Variants in DHX15 observed in about 807,000 individuals in gnomAD.
DHX15 encodes ATP-dependent RNA helicase DHX15.
DHX15 carries 11 observed loss-of-function variants against 94.4 expected under a neutral mutation model. That is an observed-to-expected ratio of 0.12 (90% confidence interval 0.07 to 0.19). The LOEUF (loss-of-function observed/expected upper bound fraction) is 0.19. Ranked by LOEUF, DHX15 falls within the 10% of genes least tolerant of loss-of-function variation. The probability of loss-of-function intolerance (pLI) is 1.00; values close to 1 mark genes in which losing one functional copy is unlikely to be tolerated. For missense variants in DHX15, 304 were observed against 988.5 expected (o/e 0.31, Z 9.29); for synonymous variants, 338 against 329.9 (o/e 1.02, Z -0.27).
In DHX15 at chr4:24,574,205, C is replaced by CAAAAAAAAAAAAAAAAAAAAAAAAA. The variant is rs61031930; in HGVS notation, c.507+2037_507+2038insTTTTTTTTTTTTTTTTTTTTTTTTT. Among the ~76,000 whole-genome samples the CAAAAAAAAAAAAAAAAAAAAAAAAA allele has an allele frequency of 1.6e-4, 11 of 68,868 alleles. 1 individual carries two copies. The highest frequency in any genetic ancestry group is 3.6e-4 in the East Asian group (1 of 2,742). The allele number at this position is 68,868 out of a possible 152,430, so 45.2% of individuals were successfully genotyped here. ...TGGGTGACAGAGCGAGACTTTGTCT[C>CAAAAAAAAAAAAAAAAAAAAAAAAA]AAAAAAAAAAAAAAAAAAAAAAAGT... On this transcript the variant is annotated intron_variant, in intron 2 of 13. Transcript: ENST00000336812.
chr4:24,555,814 G>A (rs13111756), intron 4 of DHX15, among the ~76,000 whole-genome samples: 34,808 of 152,132 alleles, frequency 0.23, 5,117 homozygotes, highest in Non-Finnish European at 0.33. Flanking sequence ...GAGGGTAAGT[G>A]ACTACATTTC....
chr4:24,534,108 A>G (rs1721145543), intron 11 of DHX15: 1 of 152,236 alleles, frequency 6.6e-6, no homozygotes, highest in African/African-American at 2.4e-5. Flanking sequence ...TGAATTAAAG[A>G]ATACAATAAC....
intron 4 of DHX15, among the ~76,000 whole-genome samples, chr4:24,555,981 G>T (rs995640117): frequency 1.3e-5 from 2 of 152,090 alleles, no homozygotes; most frequent in African/African-American, 4.8e-5. Flanking sequence ...ACAGTGAGTA[G>T]CACAGTTACA....
At position 24,537,771 on chromosome 4, in the gene DHX15, G is replaced by A. The variant is rs1577333746; in HGVS notation, c.1787-598C>T. On this transcript the variant is annotated intron_variant, in intron 10 of 13. Transcript: ENST00000336812. This position sits in a 1 kb window ranked among gnomAD's most constrained non-coding sequence, Gnocchi z 4.7. ...ATATCAAGAATTCTTGGGTTTGGAT[G>A]ATAGCAGTAGTGGTGGAAGGTTAAA... 1 of 152,260 alleles carries A rather than the reference G, an allele frequency of 6.6e-6. No homozygotes were observed. Among genetic ancestry groups the A allele is most frequent in the East Asian group, 1.9e-4 (1 of 5,178 alleles). The allele number at this position is 152,260 out of a possible 1,614,324, so 9.4% of individuals were successfully genotyped here.
intron 5 of DHX15, among the ~76,000 whole-genome samples, chr4:24,551,062 T>C (rs182183326): frequency 1.2e-4 from 18 of 152,220 alleles, no homozygotes; most frequent in South Asian, 4.2e-4. Flanking sequence ...TTCTAACACA[T>C]GTGCATTCAA....
At chr4:24,580,777 C>G (rs924602405) in intron 1 of DHX15, 2 of 152,142 alleles carry the variant, frequency 1.3e-5, no homozygotes, top group Non-Finnish European at 2.9e-5. Context: ...CTAGGCCTCC[C>G]AAAGTGCTGT....
At chr4:24,579,898 T>G (rs558462004) in intron 1 of DHX15, among the ~76,000 whole-genome samples, 7 of 152,128 alleles carry the variant, frequency 4.6e-5, no homozygotes, top group Non-Finnish European at 8.8e-5. Context: ...CCAGAGTAGC[T>G]GGGACTACAG....
At position 24,542,928 on chromosome 4, in the gene DHX15, C is replaced by G; in HGVS notation, c.1335+12G>C. 6.2e-7 allele frequency: 1 copy of G among 1,603,382 alleles called. No individual in the cohort carries two copies. Among genetic ancestry groups the G allele is most frequent in the Non-Finnish European group, 8.5e-7 (1 of 1,171,242 alleles). On this transcript the variant is annotated intron_variant, in intron 7 of 13. Transcript: ENST00000336812. ...CCAACTCTAATTTATAAAGTATCCACTAAATATGTACCTTCTGTTTCGCAA... is the reference window on the plus strand; with the variant it reads ...CCAACTCTAATTTATAAAGTATCCAGTAAATATGTACCTTCTGTTTCGCAA...
intron 11 of DHX15, among the ~76,000 whole-genome samples, chr4:24,535,510 C>T (rs1721176021): frequency 6.6e-6 from 1 of 152,136 alleles, no homozygotes; most frequent in African/African-American, 2.4e-5. Flanking sequence ...TATTTGGATA[C>T]AAGAAAGATT....
In DHX15 at chr4:24,562,770, G is replaced by C. The variant is rs1031390296; in HGVS notation, c.702-6360C>G. 2.0e-5 allele frequency among the ~76,000 whole-genome samples: 3 copies of C among 152,262 alleles called. No homozygotes were observed. In the South Asian group the frequency reaches 6.2e-4, roughly 32 times the overall value. ...AATGATAAACCCCAAGCATAGAAAA[G>C]AGTCATATATATGAACACCAAGTCA... On this transcript the variant is annotated intron_variant, in intron 3 of 13. Coordinates refer to ENST00000336812, the MANE Select transcript of DHX15 (RefSeq NM_001358.3).
At chr4:24,579,968 G>C (rs767873680) in intron 1 of DHX15, among the ~76,000 whole-genome samples, 8 of 152,204 alleles carry the variant, frequency 5.3e-5, no homozygotes, top group Non-Finnish European at 8.8e-5. Context: ...GTTTCACCAT[G>C]TTGGCCAGGA....
intron 3 of DHX15, among the ~76,000 whole-genome samples, chr4:24,562,743 G>A (rs927097211): frequency 6.6e-6 from 1 of 152,120 alleles, no homozygotes; most frequent in Non-Finnish European, 1.5e-5. Flanking sequence ...CAGTTGACAT[G>A]AAATGATAAA....
intron 5 of DHX15, among the ~76,000 whole-genome samples, chr4:24,552,060 C>T (rs1382800485): frequency 6.6e-6 from 1 of 152,170 alleles, no homozygotes; most frequent in Non-Finnish European, 1.5e-5. Context: ...AGCTTTAAAA[C>T]TTGCAATAAA....
chr4:24,584,417 T>C lies in DHX15; in HGVS notation c.-24A>G. 6.2e-7 allele frequency: 1 copy of C among 1,607,432 alleles called. No homozygotes were observed. ...ATCCTCGCACTCTTCGAACGGGCAG[T>C]TATTAAGGAAGAAAGCTGGCTGCTG... On this transcript the variant is annotated 5_prime_UTR_variant, in exon 1 of 14. Coordinates refer to ENST00000336812, the MANE Select transcript of DHX15 (RefSeq NM_001358.3).
chr4:24,577,727 C>T (rs1194458980), intron 1 of DHX15, among the ~76,000 whole-genome samples: 3 of 152,034 alleles, frequency 2.0e-5, no homozygotes, highest in African/African-American at 7.2e-5. Flanking sequence ...AGCAGAATGG[C>T]TGCAGGTTGT....
At chr4:24,551,650 A>G (rs905133360) in intron 5 of DHX15, among the ~76,000 whole-genome samples, 1 of 152,212 alleles carries the variant, frequency 6.6e-6, no homozygotes, top group Non-Finnish European at 1.5e-5. Context: ...CTGCTTTCAA[A>G]TGTTGTATCT....
chr4:24,579,997 C>T (rs1722372719), intron 1 of DHX15, among the ~76,000 whole-genome samples: 1 of 152,188 alleles, frequency 6.6e-6, no homozygotes, highest in African/African-American at 2.4e-5. Context: ...ATCTCTTGAC[C>T]TCATGATCTG....
At chr4:24,576,105 G>T in intron 2 of DHX15, 138 bp downstream of exon 2, 1 of 672,072 alleles carries the variant, frequency 1.5e-6, no homozygotes, top group Non-Finnish European at 2.5e-6. Context: ...AATTCAGAGT[G>T]CCAATTAAAC....
At chr4:24,552,341 G>GA (rs758424531) in intron 5 of DHX15, among the ~76,000 whole-genome samples, 2 of 150,774 alleles carry the variant, frequency 1.3e-5, no homozygotes, top group African/African-American at 2.4e-5. Context: ...ACTGCATGTT[G>GA]AAAAAAAAAT....
Sources: gnomAD v4.1 joint callset for allele counts (sites outside exome capture counted in the v4.1 genomes callset) on GRCh38, gnomAD v4.1.1 for gene constraint, Gnocchi (gnomAD v3.1) non-coding constraint, MANE v1.5 for transcripts, NCBI Gene and HGNC (gene_info 2026-07-23, HGNC 2026-07-21) for gene names.